Variants in BBS9 observed in about 807,000 individuals in gnomAD.
BBS9 encodes the protein protein PTHB1.
A neutral mutation model predicts 117.7 loss-of-function variants in BBS9; 89 were observed. The observed-to-expected ratio is 0.76, with a 90% confidence interval of 0.64 to 0.90. The LOEUF (loss-of-function observed/expected upper bound fraction) is 0.90, where lower values mean the gene tolerates loss of function less well. Among genes scored for constraint, BBS9 ranks in the 40% least tolerant of loss-of-function variants. The pLI is 0.00. For synonymous variants in BBS9, 379 were observed against 370.9 expected (o/e 1.02, Z -0.25); for missense variants, 982 against 1,042.2 (o/e 0.94, Z 0.80).
chr7:33,606,909 T>C (rs996110351), downstream of BBS9, among the ~76,000 whole-genome samples: 2 of 152,114 alleles, frequency 1.3e-5, no homozygotes, highest in African/African-American at 4.8e-5. Context: ...TTGTTGTGTC[T>C]CTCTTATATG....
At chr7:33,288,343 A>T (rs765484502) in intron 9 of BBS9, among the ~76,000 whole-genome samples, 43 of 152,182 alleles carry the variant, frequency 2.8e-4, no homozygotes, top group Non-Finnish European at 5.3e-4. Flanking sequence ...TGGTTGTGAG[A>T]CAAAAAACTC....
intron 19 of BBS9, among the ~76,000 whole-genome samples, chr7:33,457,502 G>A (rs1838816779): frequency 6.6e-6 from 1 of 152,104 alleles, no homozygotes; most frequent in Non-Finnish European, 1.5e-5. Context: ...TGTCACTATA[G>A]TCACTCAATG....
chr7:33,275,345 A>G (rs944913616), intron 9 of BBS9, among the ~76,000 whole-genome samples: 6 of 152,216 alleles, frequency 3.9e-5, no homozygotes, highest in African/African-American at 7.2e-5. Context: ...TGTCCATCAC[A>G]TGGTCTTTTT....
At chr7:33,246,027 A>T (rs1795276926) in intron 5 of BBS9, among the ~76,000 whole-genome samples, 1 of 152,084 alleles carries the variant, frequency 6.6e-6, no homozygotes, top group African/African-American at 2.4e-5. Flanking sequence ...TGATAACATG[A>T]TTGCATTTGT....
intron 5 of BBS9, among the ~76,000 whole-genome samples, chr7:33,224,549 A>G (rs1050999834): frequency 1.3e-5 from 2 of 152,230 alleles, no homozygotes; most frequent in African/African-American, 4.8e-5. Flanking sequence ...CTTAAAAAAT[A>G]TGTTAATAGA....
At chr7:33,519,868 T>C (rs1848345993) in intron 20 of BBS9, among the ~76,000 whole-genome samples, 1 of 152,186 alleles carries the variant, frequency 6.6e-6, no homozygotes, top group Non-Finnish European at 1.5e-5. Context: ...CAGCTCCCAC[T>C]TTTAATAATT....
chr7:33,220,952 C>T (rs576990792), intron 5 of BBS9, among the ~76,000 whole-genome samples: 1 of 152,218 alleles, frequency 6.6e-6, no homozygotes, highest in African/African-American at 2.4e-5. Flanking sequence ...AAGCCATGTA[C>T]CTTCTCTAAA....
intron 2 of BBS9, among the ~76,000 whole-genome samples, 163 bp downstream of exon 2, chr7:33,146,527 C>T (rs1792388448): frequency 6.6e-6 from 1 of 152,150 alleles, no homozygotes; most frequent in South Asian, 2.1e-4. Flanking sequence ...TGGTGAAACA[C>T]TGTCTCTACT....
intron 5 of BBS9, among the ~76,000 whole-genome samples, chr7:33,220,933 A>G (rs1790126265): frequency 6.6e-6 from 1 of 152,266 alleles, no homozygotes; most frequent in Non-Finnish European, 1.5e-5. Flanking sequence ...TTTTACAACT[A>G]CAAAATTAAA....
At chr7:33,383,169 C>A (rs573277631) in intron 17 of BBS9, among the ~76,000 whole-genome samples, 72 of 152,234 alleles carry the variant, frequency 4.7e-4, no homozygotes, top group Non-Finnish European at 9.3e-4. Flanking sequence ...ACTGCAAAAT[C>A]TCTCTTCAAA....
At chr7:33,200,974 G>A (rs1266490987) in intron 5 of BBS9, among the ~76,000 whole-genome samples, 2 of 152,194 alleles carry the variant, frequency 1.3e-5, no homozygotes, top group African/African-American at 4.8e-5. Flanking sequence ...GGAGACAGGG[G>A]CCTGGGTTTG....
chr7:33,588,635 T>A (rs1861358857), intron 21 of BBS9, among the ~76,000 whole-genome samples: 1 of 152,144 alleles, frequency 6.6e-6, no homozygotes, highest in Non-Finnish European at 1.5e-5. Context: ...TAAGTGCTAA[T>A]GTTAAGTGTT....
chr7:33,629,130 A>G (rs538678555), intron 21 of BBS9, among the ~76,000 whole-genome samples: 1 of 152,318 alleles, frequency 6.6e-6, no homozygotes, highest in East Asian at 1.9e-4. Context: ...AACCTGTTGA[A>G]TAGAGCCTGT....
intron 5 of BBS9, among the ~76,000 whole-genome samples, chr7:33,194,579 C>G (rs978925862): frequency 6.6e-5 from 10 of 152,098 alleles, no homozygotes; most frequent in African/African-American, 2.4e-4. Flanking sequence ...CATAAAAATT[C>G]CTGTGGATTC....
intron 5 of BBS9, chr7:33,243,008 A>G (rs758315402): frequency 1.2e-5 from 6 of 517,934 alleles, no homozygotes; most frequent in Non-Finnish European, 2.3e-5. Flanking sequence ...AATGAGGACA[A>G]TAATTCTTGA....
intron 19 of BBS9, among the ~76,000 whole-genome samples, chr7:33,408,355 C>T (rs1218465263): frequency 6.6e-6 from 1 of 152,074 alleles, no homozygotes; most frequent in Non-Finnish European, 1.5e-5. Context: ...CTTTCCTTGA[C>T]CAGGAAAGGG....
At chr7:33,533,617 C>G (rs188374209) in intron 20 of BBS9, 1 of 327,634 alleles carries the variant, frequency 3.1e-6, no homozygotes, top group Non-Finnish European at 5.8e-6. Flanking sequence ...ATTAAACAGA[C>G]GTGTGCCTGA....
chr7:33,264,911 G>A lies in BBS9; in HGVS notation c.702+537G>A, dbSNP rs563372296. ...AATATTTTGTAACTAGTAGGCATGC[G>A]ACCGAATATATAAGTAAAAGATAAA... On this transcript the variant is annotated intron_variant, in intron 7 of 22. Transcript: ENST00000242067. 1.9e-4 allele frequency among the ~76,000 whole-genome samples: 29 copies of A among 152,160 alleles called. No individual in the cohort carries two copies. In the Middle Eastern group the frequency reaches 0.01, roughly 54 times the overall value.
chr7:33,431,207 CA>C (rs201562924), intron 19 of BBS9, among the ~76,000 whole-genome samples: 6,752 of 110,906 alleles, frequency 0.061, 236 homozygotes, highest in African/African-American at 0.14. Flanking sequence ...GACCCTGTCT[CA>C]AAAAAAAAAA....
Sources: allele counts gnomAD v4.1 joint callset (sites outside exome capture counted in the v4.1 genomes callset), GRCh38; gene constraint gnomAD v4.1.1; transcripts MANE v1.5; gene names NCBI Gene and HGNC (gene_info 2026-07-23, HGNC 2026-07-21).